Variants in ATG7 observed in about 807,000 individuals in gnomAD.
The protein encoded by ATG7 is autophagy related 7, also known as ubiquitin-like modifier-activating enzyme ATG7.
Under a neutral mutation model 82.4 loss-of-function variants are expected in ATG7, and 70 were observed. The observed-to-expected ratio is 0.85, with a 90% confidence interval of 0.70 to 1.04. The LOEUF is 1.04. ATG7 is among the 50% of genes least tolerant of loss of function. The probability of loss-of-function intolerance (pLI) is 0.00; values close to 1 mark genes in which losing one functional copy is unlikely to be tolerated. For synonymous variants in ATG7, 287 were observed against 313.0 expected (o/e 0.92, Z 0.88); for missense variants, 792 against 864.3 (o/e 0.92, Z 1.05).
intron 19 of ATG7, among the ~76,000 whole-genome samples, chr3:11,410,916 G>GT (rs943916995): frequency 2.6e-5 from 4 of 152,096 alleles, no homozygotes; most frequent in African/African-American, 9.7e-5. Flanking sequence ...ATTCTTTTGG[G>GT]TGTATAGCCA....
chr3:11,565,012 T>C, the ATG7 span: 1 of 1,483,182 alleles, frequency 6.7e-7, no homozygotes, highest in Non-Finnish European at 8.9e-7. The surrounding 1 kb of genome is among the most constrained non-coding windows in gnomAD (Gnocchi z 4.1). Context: ...CCATTGGCAG[T>C]CTTGTTCCTG....
At chr3:11,526,733 G>A (rs1026665281) in intron 20 of ATG7, among the ~76,000 whole-genome samples, 1 of 151,878 alleles carries the variant, frequency 6.6e-6, no homozygotes, top group Non-Finnish European at 1.5e-5. Context: ...TCTTTTTCTT[G>A]TTTTACTGCA....
intron 19 of ATG7, among the ~76,000 whole-genome samples, 186 bp downstream of exon 19, chr3:11,380,238 C>A (rs542060960): frequency 1.3e-5 from 2 of 152,234 alleles, no homozygotes; most frequent in East Asian, 3.9e-4. Flanking sequence ...GGTTTAAAAC[C>A]AGCCTGAGAA....
intron 20 of ATG7, among the ~76,000 whole-genome samples, chr3:11,500,021 A>C (rs1426505042): frequency 3.9e-5 from 6 of 152,222 alleles, no homozygotes; most frequent in Non-Finnish European, 5.9e-5. Flanking sequence ...TCCCTGGTCC[A>C]GCAATAATTC....
chr3:11,564,406 C>CA, the ATG7 span, among the ~76,000 whole-genome samples: 1 of 11,296 alleles, frequency 8.9e-5, no homozygotes. Flanking sequence ...AAACGTAGGA[C>CA]CCCCCCACCC....
intron 3 of ATG7, among the ~76,000 whole-genome samples, chr3:11,286,846 C>G (rs891262799): frequency 6.6e-6 from 1 of 151,916 alleles, no homozygotes; most frequent in African/African-American, 2.4e-5. Context: ...CTCAAGCTAT[C>G]CTCCCGCCTC....
chr3:11,311,669 T>G (rs1403138632), intron 7 of ATG7, among the ~76,000 whole-genome samples: 1 of 151,772 alleles, frequency 6.6e-6, no homozygotes, highest in Non-Finnish European at 1.5e-5. Flanking sequence ...TTACTAAATA[T>G]CGGTTATGAC....
intron 20 of ATG7, among the ~76,000 whole-genome samples, chr3:11,501,745 A>G (rs1018101495): frequency 1.3e-5 from 2 of 152,146 alleles, no homozygotes; most frequent in African/African-American, 4.8e-5. Flanking sequence ...GCTGGAGTGC[A>G]GTGGTGCGAT....
chr3:11,569,397 G>GA, the ATG7 span, among the ~76,000 whole-genome samples: 5 of 152,214 alleles, frequency 3.3e-5, no homozygotes, highest in Non-Finnish European at 5.9e-5. Flanking sequence ...CCCACCCAGT[G>GA]AAAGAGATGA....
chr3:11,436,961 T>C (rs191312096), intron 20 of ATG7, among the ~76,000 whole-genome samples: 33 of 152,282 alleles, frequency 2.2e-4, no homozygotes, highest in Non-Finnish European at 4.1e-4. Context: ...TTCGAGGTGA[T>C]GAAATGTTCT....
intron 10 of ATG7, among the ~76,000 whole-genome samples, chr3:11,331,855 A>G (rs1356445305): frequency 1.3e-5 from 2 of 152,232 alleles, no homozygotes; most frequent in African/African-American, 4.8e-5. Context: ...CATGTCATTA[A>G]GGAAATAAAA....
At chr3:11,381,659 C>T (rs893830930) in intron 19 of ATG7, among the ~76,000 whole-genome samples, 3 of 152,034 alleles carry the variant, frequency 2.0e-5, no homozygotes, top group African/African-American at 7.2e-5. Flanking sequence ...AAATTATTTC[C>T]TCTTGGTGAT....
At chr3:11,416,461 C>T (rs1169950020) in intron 19 of ATG7, among the ~76,000 whole-genome samples, 2 of 151,824 alleles carry the variant, frequency 1.3e-5, no homozygotes, top group Non-Finnish European at 2.9e-5. Flanking sequence ...ATAATTGGTT[C>T]AATTCATTTA....
chr3:11,480,224 C>G (rs953866486), intron 20 of ATG7, among the ~76,000 whole-genome samples: 4 of 152,110 alleles, frequency 2.6e-5, no homozygotes, highest in Non-Finnish European at 5.9e-5. Flanking sequence ...AGCCACCGCA[C>G]CCGGCCTGGA....
intron 14 of ATG7, among the ~76,000 whole-genome samples, chr3:11,352,214 G>A (rs547108885): frequency 6.6e-6 from 1 of 152,254 alleles, no homozygotes; most frequent in Non-Finnish European, 1.5e-5. Context: ...GTATTCCATG[G>A]TGTATATGTG....
intron 5 of ATG7, among the ~76,000 whole-genome samples, chr3:11,304,335 G>T (rs865873383): frequency 6.6e-6 from 1 of 152,172 alleles, no homozygotes; most frequent in Non-Finnish European, 1.5e-5. Flanking sequence ...CGGTCTAAGC[G>T]CATGGCTGTC....
At chr3:11,442,737 TACAAA>T (rs2084100065) in intron 20 of ATG7, among the ~76,000 whole-genome samples, 1 of 5,822 alleles carries the variant, frequency 1.7e-4, no homozygotes, top group African/African-American at 3.9e-4. Context: ...ACTCCATCTC[TACAAA>T]AAAAAAAAAA....
At chr3:11,423,358 G>T (rs1447978519) in intron 19 of ATG7, among the ~76,000 whole-genome samples, 3 of 152,172 alleles carry the variant, frequency 2.0e-5, no homozygotes, top group African/African-American at 7.2e-5. Context: ...TAATGAAAAA[G>T]TTTGAAATAT....
intron 7 of ATG7, among the ~76,000 whole-genome samples, chr3:11,310,133 C>G (rs2152713680): frequency 6.6e-6 from 1 of 151,816 alleles, no homozygotes; most frequent in Middle Eastern, 3.4e-3. Flanking sequence ...CCACTGCACT[C>G]CAGCCTGGAC....
Sources: gnomAD v4.1 joint callset for allele counts (sites outside exome capture counted in the v4.1 genomes callset) on GRCh38, gnomAD v4.1.1 for gene constraint, Gnocchi (gnomAD v3.1) non-coding constraint, MANE v1.5 for transcripts, NCBI Gene and HGNC (gene_info 2026-07-23, HGNC 2026-07-21) for gene names.